The following SLC5A8 variants were observed in gnomAD, a reference collection of about 807,000 sequenced individuals.
The protein encoded by SLC5A8 is sodium-coupled monocarboxylate transporter 1.
In SLC5A8, 55 loss-of-function variants were observed where a neutral mutation model predicts 71.9. That is an observed-to-expected ratio of 0.77 (90% confidence interval 0.62 to 0.96). SLC5A8 has a LOEUF of 0.96. Ranked by LOEUF, SLC5A8 falls within the 40% of genes least tolerant of loss-of-function variation. The pLI is 0.00. For missense variants in SLC5A8, 701 were observed against 745.3 expected (o/e 0.94, Z 0.69); for synonymous variants, 307 against 276.1 (o/e 1.11, Z -1.11).
rs149247783 is a variant in SLC5A8 at position 101,182,040 on chromosome 12, T to C, written c.1165+763A>G. ...CAAGGTGTCAAAATGAAGAATGCAG[T>C]ACATTGGCAAGATTTCTTTGAGTTG... On this transcript the variant is annotated intron_variant, in intron 9 of 14. Coordinates refer to ENST00000536262, the MANE Select transcript of SLC5A8 (RefSeq NM_145913.5). Among the ~76,000 whole-genome samples, 282 of 152,332 alleles carry C rather than the reference T, an allele frequency of 1.9e-3. 1 individual carries two copies. The highest frequency in any genetic ancestry group is 3.2e-3 in the Admixed American group (49 of 15,304).
At chr12:101,168,369 A>C (rs1054073868) in intron 10 of SLC5A8, among the ~76,000 whole-genome samples, 187 bp from the exon 11 acceptor site, 3 of 152,196 alleles carry the variant, frequency 2.0e-5, no homozygotes, top group African/African-American at 7.2e-5. Flanking sequence ...TCTCAGTCTC[A>C]AGGATCCATC....
rs1233393335 is a variant in SLC5A8 at position 101,155,874 on chromosome 12, C to G, written c.*1405G>C. 6.7e-6 allele frequency: 1 copy of G among 150,224 alleles called. No individual in the cohort carries two copies. Among genetic ancestry groups the G allele is most frequent in the African/African-American group, 2.5e-5 (1 of 40,718 alleles). The allele number at this position is 150,224 out of a possible 1,614,324, so 9.3% of individuals were successfully genotyped here. A position where few individuals can be genotyped will look rare whatever the true frequency, so the allele number is the denominator to read the frequency against. ...GTACAGGGCATGATTACCTAAATAA[C>G]ACGTATCAGAAAATAAGCATAAAAT... On this transcript the variant is annotated 3_prime_UTR_variant, in exon 15 of 15. Transcript: ENST00000536262.
At position 101,160,547 on chromosome 12, in the gene SLC5A8, C is replaced by G. The variant is rs575634653; in HGVS notation, c.1630+1427G>C. On this transcript the variant is annotated intron_variant, in intron 13 of 14. Transcript: ENST00000536262. ...TTGAAGGAGGCAGTTGCACCCTTCCCCTGGCGTGGCTGCTATGGATGCATA... is the reference window on the plus strand; with the variant it reads ...TTGAAGGAGGCAGTTGCACCCTTCCGCTGGCGTGGCTGCTATGGATGCATA... Among the ~76,000 whole-genome samples, 24 of 152,200 alleles carry G rather than the reference C, an allele frequency of 1.6e-4. 1 individual carries two copies. In the South Asian group the frequency reaches 5.0e-3, roughly 32 times the overall value.
intron 10 of SLC5A8, among the ~76,000 whole-genome samples, chr12:101,171,304 C>T (rs1298227394): frequency 6.6e-6 from 1 of 152,188 alleles, no homozygotes; most frequent in Non-Finnish European, 1.5e-5. Context: ...TTGCTTCATA[C>T]TGCTAAGTTT....
At chr12:101,167,349 T>C (rs890057647) in intron 11 of SLC5A8, among the ~76,000 whole-genome samples, 41 of 152,296 alleles carry the variant, frequency 2.7e-4, no homozygotes, top group African/African-American at 9.6e-4. Flanking sequence ...CAATTCCTAA[T>C]GCCTTATAAG....
chr12:101,182,762 T>A (rs1452438258), intron 9 of SLC5A8, 41 bp downstream of exon 9: 3 of 1,423,746 alleles, frequency 2.1e-6, no homozygotes, highest in East Asian at 2.4e-5. Context: ...CAAAAAATCA[T>A]CTCTCTGAGC....
chr12:101,158,598 C>CTCTCTCTCTATATATATA (rs1411795424), intron 13 of SLC5A8, among the ~76,000 whole-genome samples: 8 of 21,246 alleles, frequency 3.8e-4, no homozygotes, highest in Non-Finnish European at 6.1e-4. Flanking sequence ...CTCTCTCTCT[C>CTCTCTCTCTATATATATA]TATATATATA....
At chr12:101,190,753 A>G in intron 5 of SLC5A8, 145 bp from the exon 6 acceptor site, 1 of 609,540 alleles carries the variant, frequency 1.6e-6, no homozygotes, top group Non-Finnish European at 2.4e-6. Flanking sequence ...TTAATTTAAA[A>G]GGTAGAAATA....
chr12:101,186,342 G>C (rs1868644984), intron 7 of SLC5A8, among the ~76,000 whole-genome samples: 1 of 152,036 alleles, frequency 6.6e-6, no homozygotes, highest in Non-Finnish European at 1.5e-5. Context: ...ACAGCTCCAG[G>C]GTGTTTTTAT....
At chr12:101,193,542 A>G in intron 5 of SLC5A8, 83 bp downstream of exon 5, 1 of 1,465,356 alleles carries the variant, frequency 6.8e-7, no homozygotes, top group Non-Finnish European at 9.2e-7. Context: ...TTGTTTTTTA[A>G]TGTAAATCTA....
intron 3 of SLC5A8, 23 bp from the exon 4 acceptor site, chr12:101,195,185 T>C (rs374345658): frequency 1.9e-6 from 3 of 1,610,834 alleles, no homozygotes; most frequent in Non-Finnish European, 1.7e-6. Flanking sequence ...ATAGAATGCA[T>C]ATATAATTGT....
At chr12:101,187,569 A>G in intron 6 of SLC5A8, 54 bp from the exon 7 acceptor site, 1 of 1,559,274 alleles carries the variant, frequency 6.4e-7, no homozygotes, top group Non-Finnish European at 8.7e-7. Context: ...TGTCCCAAAG[A>G]TTAGGAAACC....
chr12:101,210,001 C>T lies in SLC5A8; in HGVS notation c.-153G>A. The T allele has an allele frequency of 1.6e-6, 1 of 631,612 alleles. No individual in the cohort carries two copies. Among genetic ancestry groups the T allele is most frequent in the Non-Finnish European group, 2.5e-6 (1 of 398,172 alleles). The allele number at this position is 631,612 out of a possible 1,614,324, so 39.1% of individuals were successfully genotyped here. A position where few individuals can be genotyped will look rare whatever the true frequency, so the allele number is the denominator to read the frequency against. The stretch of plus-strand genomic sequence containing the variant: ...TCCTCCAGGTGTCGGCCTCCGAACG[C>T]ACCCCGAGGCGGGGTGAGGGCTGGC... On this transcript the variant is annotated 5_prime_UTR_variant, in exon 1 of 15. Coordinates refer to ENST00000536262, the MANE Select transcript of SLC5A8 (RefSeq NM_145913.5).
chr12:101,172,667 G>A (rs936301449), intron 10 of SLC5A8, among the ~76,000 whole-genome samples: 1 of 152,140 alleles, frequency 6.6e-6, no homozygotes, highest in Non-Finnish European at 1.5e-5. Flanking sequence ...TGTCTGAAAG[G>A]TGCAAAGAAG....
At chr12:101,168,782 A>C (rs1160102096) in intron 10 of SLC5A8, among the ~76,000 whole-genome samples, 1 of 152,242 alleles carries the variant, frequency 6.6e-6, no homozygotes, top group Non-Finnish European at 1.5e-5. Context: ...TTTACAGTGC[A>C]AACATCGCAT....
chr12:101,191,480 G>A (rs1270703832), intron 5 of SLC5A8, among the ~76,000 whole-genome samples: 5 of 152,184 alleles, frequency 3.3e-5, no homozygotes, highest in African/African-American at 9.7e-5. Context: ...GGAAATGTGA[G>A]AGCCTCTATT....
At chr12:101,166,439 T>C in intron 12 of SLC5A8, 55 bp downstream of exon 12, 2 of 1,474,150 alleles carry the variant, frequency 1.4e-6, no homozygotes, top group Non-Finnish European at 1.8e-6. Context: ...AGTGGGGTTC[T>C]CTACTTGTTG....
chr12:101,185,858 G>A (rs1403434521), intron 7 of SLC5A8, among the ~76,000 whole-genome samples: 1 of 152,160 alleles, frequency 6.6e-6, no homozygotes, highest in Non-Finnish European at 1.5e-5. Flanking sequence ...GATTACAGGC[G>A]TGAGCCACCA....
At chr12:101,162,582 T>C (rs1244400789) in intron 12 of SLC5A8, among the ~76,000 whole-genome samples, 1 of 152,204 alleles carries the variant, frequency 6.6e-6, no homozygotes, top group Non-Finnish European at 1.5e-5. Context: ...AACAAAATCA[T>C]GTCCTTTTCA....
Sources: gnomAD v4.1 joint callset for allele counts (sites outside exome capture counted in the v4.1 genomes callset) on GRCh38, gnomAD v4.1.1 for gene constraint, MANE v1.5 for transcripts, NCBI Gene and HGNC (gene_info 2026-07-23, HGNC 2026-07-21) for gene names.